The following NBEAL1 variants were observed in gnomAD, a reference collection of about 807,000 sequenced individuals.
NBEAL1 encodes neurobeachin like 1.
In NBEAL1, 273 loss-of-function variants were observed where a neutral mutation model predicts 351.3. That is an observed-to-expected ratio of 0.78 (90% CI 0.70 to 0.86). NBEAL1 has a LOEUF of 0.86. Among genes scored for constraint, NBEAL1 ranks in the 40% least tolerant of loss-of-function variants. NBEAL1 has a pLI of 0.00. For missense variants in NBEAL1, 2,961 were observed against 3,201.3 expected, an observed-to-expected ratio of 0.92 and a Z score of 1.81; for synonymous variants, 1,050 against 1,086.4, an observed-to-expected ratio of 0.97 and a Z score of 0.66.
chr2:203,115,955 GGTGTGTATGT>G lies in NBEAL1; in HGVS notation c.2507-22_2507-13del. 1 of 1,385,242 alleles carries G rather than the reference GGTGTGTATGT, an allele frequency of 7.2e-7. No individual in the cohort carries two copies. Among genetic ancestry groups the G allele is most frequent in the South Asian group, 1.2e-5 (1 of 80,454 alleles). The allele number at this position is 1,385,242 out of a possible 1,614,324, so 85.8% of individuals were successfully genotyped here. On this transcript the variant is annotated intron_variant, in intron 17 of 55. Transcript: ENST00000683969. ...ACCAAGGAGACCATATATATTCAAT[GGTGTGTATGT>G]GTGTGTAAATAATTTTCAGGTCCAA...
At chr2:203,129,817 G>A (rs780072202) in intron 24 of NBEAL1, among the ~76,000 whole-genome samples, 5 of 152,170 alleles carry the variant, frequency 3.3e-5, no homozygotes, top group Non-Finnish European at 5.9e-5. Flanking sequence ...GGATAAAAGA[G>A]GATAGATATG....
intron 40 of NBEAL1, 36 bp downstream of exon 40, chr2:203,172,059 C>T: frequency 7.9e-7 from 1 of 1,261,106 alleles, no homozygotes; most frequent in Non-Finnish European, 1.1e-6. Flanking sequence ...TGTGGAATTG[C>T]CCTACAGTTT....
intron 37 of NBEAL1, among the ~76,000 whole-genome samples, chr2:203,166,765 G>T (rs2064146895): frequency 2.0e-5 from 3 of 151,724 alleles, no homozygotes; most frequent in Admixed American, 1.3e-4. Context: ...ATGTTGGTCA[G>T]GCTGGTCTCG....
rs1344372219 is a variant in NBEAL1, at chr2:203,145,046, A to G, written c.5190A>G (p.Thr1730=). The G allele has an allele frequency of 8.1e-6, 13 of 1,609,044 alleles. No individual in the cohort carries two copies. Among genetic ancestry groups the G allele is most frequent in the Non-Finnish European group, 1.1e-5 (13 of 1,178,110 alleles). The stretch of plus-strand genomic sequence containing the variant: ...ATATGAAGCAGTATGAAGCTCATAC[A>G]TTTTACGATGGTCATGAGAACATGG... The part of the protein sequence containing the change: ...VPYMKQYEAH[T]FYDGHENMAL... Residue 1730 remains threonine, a synonymous_variant, in exon 33 of 56, where the codon ACA becomes ACG. Coordinates refer to ENST00000683969, the MANE Select transcript of NBEAL1 (RefSeq NM_001378026.1).
intron 6 of NBEAL1, among the ~76,000 whole-genome samples, chr2:203,059,792 G>T (rs1470342258): frequency 6.6e-6 from 1 of 152,210 alleles, no homozygotes; most frequent in African/African-American, 2.4e-5. Context: ...GCCGAGGTGG[G>T]AGGACTGATT....
intron 44 of NBEAL1, among the ~76,000 whole-genome samples, chr2:203,185,052 A>G (rs1202149787): frequency 6.6e-6 from 1 of 152,206 alleles, no homozygotes; most frequent in Non-Finnish European, 1.5e-5. Context: ...GTTTTGAAAC[A>G]ATTATCCTTG....
intron 11 of NBEAL1, among the ~76,000 whole-genome samples, chr2:203,099,300 G>C (rs1025082980): frequency 6.6e-6 from 1 of 151,232 alleles, no homozygotes; most frequent in Non-Finnish European, 1.5e-5. Context: ...AAAAGTAATA[G>C]GATTTCCAAT....
intron 2 of NBEAL1, among the ~76,000 whole-genome samples, chr2:203,036,695 C>T (rs11690221): frequency 6.8e-6 from 1 of 148,140 alleles, no homozygotes; most frequent in Non-Finnish European, 1.5e-5. Flanking sequence ...AATGAAACAC[C>T]TCCAAATTTA....
chr2:203,178,496 G>A (rs1049247946), intron 42 of NBEAL1, among the ~76,000 whole-genome samples: 1 of 152,030 alleles, frequency 6.6e-6, no homozygotes, highest in Non-Finnish European at 1.5e-5. Flanking sequence ...CCAAAAAGTA[G>A]AAACAAACAA....
chr2:203,131,916 A>T, intron 25 of NBEAL1, 57 bp from the exon 26 acceptor site: 1 of 1,262,778 alleles, frequency 7.9e-7, no homozygotes, highest in Non-Finnish European at 1.1e-6. Context: ...TTTTAATGTT[A>T]AATGACAAAC....
intron 36 of NBEAL1, 122 bp downstream of exon 36, chr2:203,157,947 C>A: frequency 2.8e-6 from 2 of 719,964 alleles, no homozygotes; most frequent in Non-Finnish European, 4.0e-6. Context: ...GCTGTATCAG[C>A]TGTTAGGATT....
At chr2:203,125,611 AAACTT>A (rs2062919617) in intron 20 of NBEAL1, 91 bp downstream of exon 20, 3 of 1,153,158 alleles carry the variant, frequency 2.6e-6, no homozygotes, top group Non-Finnish European at 3.5e-6. Flanking sequence ...CATTAGGAAG[AAACTT>A]AACCATTTGT....
At chr2:203,070,116 T>C (rs2061656364) in intron 7 of NBEAL1, among the ~76,000 whole-genome samples, 1 of 152,216 alleles carries the variant, frequency 6.6e-6, no homozygotes, top group Non-Finnish European at 1.5e-5. Context: ...TTTTTAAAAA[T>C]AGATGCCCTT....
chr2:203,207,247 G>A (rs2065621465), intron 51 of NBEAL1, among the ~76,000 whole-genome samples: 1 of 151,564 alleles, frequency 6.6e-6, no homozygotes. Context: ...GGGAAGTGAA[G>A]AGCATCTCCG....
rs548002090 is a variant in NBEAL1, at chr2:203,136,856, T to C, written c.4565+82T>C. 1.4e-4 allele frequency: 170 copies of C among 1,238,202 alleles called. 1 individual carries two copies. The African/African-American group carries it at 2.3e-3, about 16-fold the overall frequency. 76.7% of individuals were successfully genotyped at this position (1,238,202 alleles called of 1,614,324 possible). On this transcript the variant is annotated intron_variant, in intron 29 of 55. Transcript: ENST00000683969. ...ATAACGTTAGTTATTGAACATTTAT[T>C]CAGTATTCTGTGGATATAACAAGGG...
intron 35 of NBEAL1, among the ~76,000 whole-genome samples, chr2:203,157,399 AC>A (rs897532621): frequency 2.6e-5 from 4 of 152,118 alleles, no homozygotes; most frequent in African/African-American, 9.6e-5. Context: ...ATTATTGGCA[AC>A]CTTTAGAATT....
At position 203,099,683 on chromosome 2, in the gene NBEAL1, G is replaced by A. The variant is rs116202043; in HGVS notation, c.1240G>A (p.Ala414Thr). Residue 414 changes from alanine to threonine, a missense_variant, in exon 12 of 56, where the codon GCA (alanine) becomes ACA (threonine). Transcript: ENST00000683969. ...LAISTIQALT[A>T]VMNKSPAAKE... is the part of the protein sequence containing the mutation. ...CATATCAACCATTCAGGCTTTGACC[G>A]CAGTAATGAACAAATCTCCAGCTGC... 571 of 1,549,864 alleles carry A rather than the reference G, an allele frequency of 3.7e-4. 2 individuals are homozygous for A. The African/African-American group carries it at 5.4e-3, about 15-fold the overall frequency.
rs2065953199 is a variant in NBEAL1 at position 203,221,471 on chromosome 2, A to G, written c.*4117A>G. ...ATGTATATTTAAACCTGTCTTCTGG[A>G]AACAGGTTCTTGAACCTATCTTTAG... On this transcript the variant is annotated 3_prime_UTR_variant, in exon 56 of 56. Coordinates refer to ENST00000683969, the MANE Select transcript of NBEAL1 (RefSeq NM_001378026.1). 6.6e-6 allele frequency among the ~76,000 whole-genome samples: 1 copy of G among 152,180 alleles called. No homozygotes were observed. The highest frequency in any genetic ancestry group is 2.1e-4 in the South Asian group (1 of 4,820).
intron 2 of NBEAL1, among the ~76,000 whole-genome samples, chr2:203,039,706 G>C (rs1162714223): frequency 2.0e-5 from 3 of 152,126 alleles, no homozygotes; most frequent in Admixed American, 6.5e-5. Context: ...TTTTCTTCTA[G>C]AAAATTTGGG....
Sources: allele counts gnomAD v4.1 joint callset (sites outside exome capture counted in the v4.1 genomes callset), GRCh38; gene constraint gnomAD v4.1.1; transcripts MANE v1.5; gene names NCBI Gene and HGNC (gene_info 2026-07-23, HGNC 2026-07-21).